ARHGAP24: variants seen among roughly 807,000 people sequenced by gnomAD.
ARHGAP24 encodes Rho GTPase activating protein 24.
ARHGAP24 carries 50 observed loss-of-function variants against 76.4 expected under a neutral mutation model. The ratio of observed to expected loss-of-function variants is 0.65; its 90% confidence interval spans 0.52 to 0.83. The LOEUF is 0.83. ARHGAP24 is among the 40% of genes least tolerant of loss of function. The probability of loss-of-function intolerance (pLI) is 0.00; values close to 1 mark genes in which losing one functional copy is unlikely to be tolerated. For synonymous variants in ARHGAP24, 345 were observed against 323.3 expected (o/e 1.07, Z -0.72); for missense variants, 930 against 914.2 (o/e 1.02, Z -0.22).
intron 3 of ARHGAP24, among the ~76,000 whole-genome samples, chr4:85,866,254 A>G (rs1732192389): frequency 1.3e-5 from 2 of 152,194 alleles, no homozygotes. Context: ...TGACAAAGAC[A>G]GAGCTACTTT....
chr4:85,874,921 TA>T (rs200977882), intron 3 of ARHGAP24, among the ~76,000 whole-genome samples: 673 of 65,850 alleles, frequency 0.01, 120 homozygotes, highest in Admixed American at 0.018. Context: ...TAAATATATT[TA>T]TATATAATTT....
intron 3 of ARHGAP24, among the ~76,000 whole-genome samples, chr4:85,828,617 C>T (rs779755367): frequency 5.9e-5 from 9 of 151,704 alleles, no homozygotes; most frequent in Non-Finnish European, 1.3e-4. Context: ...TTTTGTTATC[C>T]GCATATTTGA....
chr4:85,577,484 T>C (rs1727427486), intron 2 of ARHGAP24, among the ~76,000 whole-genome samples: 1 of 152,162 alleles, frequency 6.6e-6, no homozygotes, highest in South Asian at 2.1e-4. Flanking sequence ...TCTGTTCACA[T>C]TTTGTTAGTT....
intron 3 of ARHGAP24, among the ~76,000 whole-genome samples, chr4:85,902,455 T>C (rs1240186620): frequency 1.3e-5 from 2 of 152,202 alleles, no homozygotes; most frequent in African/African-American, 4.8e-5. Context: ...TACAACACCA[T>C]AGTTCCCTGT....
chr4:85,841,991 G>T (rs1232487268), intron 3 of ARHGAP24, among the ~76,000 whole-genome samples: 3 of 151,938 alleles, frequency 2.0e-5, no homozygotes, highest in African/African-American at 7.2e-5. Context: ...CAAAATAGCA[G>T]AAATGTGCCT....
At chr4:85,770,805 T>C (rs1419547265) in intron 3 of ARHGAP24, among the ~76,000 whole-genome samples, 1 of 152,214 alleles carries the variant, frequency 6.6e-6, no homozygotes, top group Non-Finnish European at 1.5e-5. Context: ...ATGTTTGCTT[T>C]CCACACTGTG....
intron 2 of ARHGAP24, among the ~76,000 whole-genome samples, chr4:85,606,637 TATTTACTC>T (rs1347538805): frequency 6.6e-6 from 1 of 152,214 alleles, no homozygotes; most frequent in African/African-American, 2.4e-5. Context: ...TGAGCCCTTA[TATTTACTC>T]ATTTATTCAA....
intron 1 of ARHGAP24, among the ~76,000 whole-genome samples, chr4:85,548,500 G>C (rs1263940305): frequency 6.6e-6 from 1 of 152,070 alleles, no homozygotes; most frequent in Non-Finnish European, 1.5e-5. Flanking sequence ...TTTCTCATTT[G>C]TAACTCTTTT....
intron 3 of ARHGAP24, among the ~76,000 whole-genome samples, chr4:85,841,560 ATAGCAGTAGCTT>A (rs568617733): frequency 7.2e-5 from 11 of 152,356 alleles, no homozygotes; most frequent in South Asian, 6.2e-4. Flanking sequence ...ATATTTTACT[ATAGCAGTAGCTT>A]TGCACATTTG....
intron 3 of ARHGAP24, among the ~76,000 whole-genome samples, chr4:85,850,831 T>G (rs1206202399): frequency 6.6e-6 from 1 of 152,216 alleles, no homozygotes; most frequent in Non-Finnish European, 1.5e-5. Flanking sequence ...TTGTGATTTC[T>G]GTTCTTTTAC....
At chr4:85,546,956 G>A (rs187929391) in intron 1 of ARHGAP24, among the ~76,000 whole-genome samples, 1 of 152,254 alleles carries the variant, frequency 6.6e-6, no homozygotes, top group African/African-American at 2.4e-5. Context: ...TTGAAAGTGA[G>A]TTGGAGGCAT....
At chr4:85,839,843 C>CTT (rs33974767) in intron 3 of ARHGAP24, among the ~76,000 whole-genome samples, 7,273 of 104,402 alleles carry the variant, frequency 0.07, 1,133 homozygotes, top group Non-Finnish European at 0.097. Flanking sequence ...TTTCTGTTTT[C>CTT]TTTTTTTTTT....
chr4:85,871,734 A>G (rs1480836555), intron 3 of ARHGAP24, among the ~76,000 whole-genome samples: 1 of 152,176 alleles, frequency 6.6e-6, no homozygotes, highest in East Asian at 1.9e-4. Context: ...AGGCCCATGC[A>G]ACTGAGGGGC....
chr4:85,603,232 T>G (rs908995374), intron 2 of ARHGAP24, among the ~76,000 whole-genome samples: 3 of 152,194 alleles, frequency 2.0e-5, no homozygotes, highest in Admixed American at 6.5e-5. Flanking sequence ...TTGTCTTTGG[T>G]GAAGATTATT....
intron 1 of ARHGAP24, among the ~76,000 whole-genome samples, chr4:85,564,962 ATATATATAC>A (rs1386466489): frequency 1.8e-4 from 22 of 124,362 alleles, no homozygotes; most frequent in African/African-American, 7.0e-4. Flanking sequence ...ATATATATAT[ATATATATAC>A]CCACACCCAC....
chr4:85,561,571 A>G lies in ARHGAP24; in HGVS notation c.-20-8951A>G, dbSNP rs534969380. Among the ~76,000 whole-genome samples the G allele has an allele frequency of 2.0e-5, 3 of 152,134 alleles. No homozygotes were observed. In the East Asian group the frequency reaches 5.8e-4, roughly 29 times the overall value. ...GTCACTAAGATCTAATTATTTAAATATTTTTCGTTATGTAGTTTTTGGTAA... is the reference window on the plus strand; with the variant it reads ...GTCACTAAGATCTAATTATTTAAATGTTTTTCGTTATGTAGTTTTTGGTAA... On this transcript the variant is annotated intron_variant, in intron 1 of 9. Transcript: ENST00000395184.
intron 2 of ARHGAP24, among the ~76,000 whole-genome samples, chr4:85,698,383 C>A (rs1012220021): frequency 6.6e-6 from 1 of 152,060 alleles, no homozygotes; most frequent in African/African-American, 2.4e-5. Flanking sequence ...GTGGGCAGAT[C>A]CAGAAATTCT....
chr4:85,844,787 T>C (rs867438706), intron 3 of ARHGAP24, among the ~76,000 whole-genome samples: 2 of 152,206 alleles, frequency 1.3e-5, no homozygotes, highest in African/African-American at 2.4e-5. Context: ...TGTTTTATTG[T>C]TGTTTTAGTT....
chr4:85,894,005 C>T (rs1007179948), intron 3 of ARHGAP24, among the ~76,000 whole-genome samples: 8 of 143,210 alleles, frequency 5.6e-5, no homozygotes, highest in African/African-American at 1.8e-4. Flanking sequence ...TGCTAGATGA[C>T]ACGTTAGTGG....
Sources: allele counts gnomAD v4.1 joint callset (sites outside exome capture counted in the v4.1 genomes callset), GRCh38; gene constraint gnomAD v4.1.1; transcripts MANE v1.5; gene names NCBI Gene and HGNC (gene_info 2026-07-23, HGNC 2026-07-21).